Variants in CEP70 observed in about 807,000 individuals in gnomAD.
CEP70 encodes the protein centrosomal protein 70.
A neutral mutation model predicts 90.9 loss-of-function variants in CEP70; 70 were observed. The ratio of observed to expected loss-of-function variants is 0.77; its 90% CI spans 0.64 to 0.94. The LOEUF (loss-of-function observed/expected upper bound fraction) is 0.94. Among genes scored for constraint, CEP70 ranks in the 40% least tolerant of loss-of-function variants. The pLI, the probability that CEP70 is intolerant of heterozygous loss-of-function variation, is 0.00. For synonymous variants in CEP70, 220 were observed against 228.3 expected (o/e 0.96, Z 0.33); for missense variants, 648 against 669.0 (o/e 0.97, Z 0.35).
intron 2 of CEP70, among the ~76,000 whole-genome samples, chr3:138,578,263 G>C (rs2041661657): frequency 6.6e-6 from 1 of 152,160 alleles, no homozygotes; most frequent in Non-Finnish European, 1.5e-5. Context: ...AAATATAAGT[G>C]GGGGAGGGCA....
intron 6 of CEP70, among the ~76,000 whole-genome samples, chr3:138,561,230 T>A (rs1371985740): frequency 1.3e-5 from 2 of 152,108 alleles, no homozygotes; most frequent in African/African-American, 4.8e-5. Flanking sequence ...CAACCTCTGC[T>A]GGTGATACCC....
intron 16 of CEP70, among the ~76,000 whole-genome samples, chr3:138,499,616 A>G (rs1179992337): frequency 6.6e-6 from 1 of 152,108 alleles, no homozygotes; most frequent in African/African-American, 2.4e-5. Flanking sequence ...GTTTGAGATT[A>G]TCTTAGATTG....
intron 2 of CEP70, among the ~76,000 whole-genome samples, chr3:138,573,487 A>C (rs1286116001): frequency 6.6e-6 from 1 of 152,258 alleles, no homozygotes; most frequent in East Asian, 1.9e-4. Context: ...AAAGCCAGTG[A>C]AAACATTCAT....
At chr3:138,498,941 GAGGCTGAGGC>G (rs1186576170) in intron 16 of CEP70, among the ~76,000 whole-genome samples, 2 of 151,824 alleles carry the variant, frequency 1.3e-5, no homozygotes, top group African/African-American at 4.8e-5. Context: ...AGCCACTCAG[GAGGCTGAGGC>G]ATGAGAATTG....
chr3:138,541,451 C>G (rs1193473213), intron 6 of CEP70, among the ~76,000 whole-genome samples: 1 of 150,884 alleles, frequency 6.6e-6, no homozygotes, highest in Non-Finnish European at 1.5e-5. Context: ...ACCTGTCAAC[C>G]AAGAATATTA....
intron 7 of CEP70, among the ~76,000 whole-genome samples, chr3:138,536,261 ATAGGGG>A (rs1406195051): frequency 6.6e-6 from 1 of 152,114 alleles, no homozygotes; most frequent in Non-Finnish European, 1.5e-5. Context: ...TCAATTACCT[ATAGGGG>A]AGGTAAGGAT....
chr3:138,554,433 T>G (rs1272257309), intron 6 of CEP70, among the ~76,000 whole-genome samples: 1 of 152,064 alleles, frequency 6.6e-6, no homozygotes, highest in Non-Finnish European at 1.5e-5. Flanking sequence ...CTCTCACCAC[T>G]TCTATTCAAC....
chr3:138,497,928 C>T, intron 17 of CEP70, 103 bp downstream of exon 17: 1 of 1,532,212 alleles, frequency 6.5e-7, no homozygotes, highest in Middle Eastern at 1.8e-4. Flanking sequence ...TGGTTTCCAA[C>T]CACTAGGTAA....
chr3:138,508,480 A>ATT lies in CEP70; in HGVS notation c.1007_1008dup (p.Tyr337AsnfsTer8). 1 of 1,613,036 alleles carries ATT rather than the reference A, an allele frequency of 6.2e-7. No homozygotes were observed. Among genetic ancestry groups the ATT allele is most frequent in the Non-Finnish European group, 8.5e-7 (1 of 1,179,230 alleles). On this transcript the variant is annotated frameshift_variant, in exon 12 of 18. Coordinates refer to ENST00000264982, the MANE Select transcript of CEP70 (RefSeq NM_024491.4). LOFTEE classifies it high-confidence loss of function. ...TCAATTAGGGCCTGTTGCTGATTAT[A>ATT]TTTGCTGGGCTCATCTTTCTTCTCT...
At chr3:138,578,123 G>C (rs1373555936) in intron 2 of CEP70, among the ~76,000 whole-genome samples, 2 of 152,202 alleles carry the variant, frequency 1.3e-5, no homozygotes, top group Non-Finnish European at 2.9e-5. Context: ...AAATGGTGTA[G>C]TACCGTTGGC....
intron 11 of CEP70, among the ~76,000 whole-genome samples, chr3:138,520,252 CT>C (rs1045822445): frequency 2.0e-5 from 3 of 152,144 alleles, no homozygotes; most frequent in Non-Finnish European, 4.4e-5. Context: ...TAACACCCCA[CT>C]GTCAACATTA....
At chr3:138,593,309 G>A (rs1252513887) in intron 1 of CEP70, among the ~76,000 whole-genome samples, 1 of 152,106 alleles carries the variant, frequency 6.6e-6, no homozygotes, top group Non-Finnish European at 1.5e-5. Flanking sequence ...AGCAACCTCC[G>A]CCTCCCGAGT....
chr3:138,519,206 T>A (rs771285151), intron 11 of CEP70, among the ~76,000 whole-genome samples: 1 of 152,162 alleles, frequency 6.6e-6, no homozygotes, highest in Admixed American at 6.5e-5. Flanking sequence ...CTACGTCTGA[T>A]TGATGTACCT....
chr3:138,591,175 T>C (rs1576976614), intron 2 of CEP70, among the ~76,000 whole-genome samples: 1 of 152,266 alleles, frequency 6.6e-6, no homozygotes, highest in East Asian at 1.9e-4. Flanking sequence ...ACACCACAAG[T>C]AGAAAATTCC....
intron 2 of CEP70, among the ~76,000 whole-genome samples, chr3:138,577,252 A>G (rs1452643124): frequency 6.6e-6 from 1 of 152,198 alleles, no homozygotes; most frequent in Non-Finnish European, 1.5e-5. Context: ...GTAAACGACG[A>G]GTTAATGGGT....
At chr3:138,571,188 TA>T in intron 4 of CEP70, 31 bp from the exon 5 acceptor site, 1 of 1,551,144 alleles carries the variant, frequency 6.4e-7, no homozygotes, top group South Asian at 1.2e-5. Context: ...ATACAGATAG[TA>T]AAAATAAAAG....
At chr3:138,581,541 T>C (rs1382881949) in intron 2 of CEP70, among the ~76,000 whole-genome samples, 1 of 151,154 alleles carries the variant, frequency 6.6e-6, no homozygotes, top group African/African-American at 2.4e-5. Context: ...CTGTCTCTAC[T>C]AAAAATACAA....
At chr3:138,529,837 A>AT (rs1287973941) in intron 8 of CEP70, among the ~76,000 whole-genome samples, 6 of 152,134 alleles carry the variant, frequency 3.9e-5, no homozygotes, top group African/African-American at 1.4e-4. Flanking sequence ...TCCACATACT[A>AT]TTTTTTCCTT....
At chr3:138,576,527 A>G (rs1208735491) in intron 2 of CEP70, among the ~76,000 whole-genome samples, 1 of 152,196 alleles carries the variant, frequency 6.6e-6, no homozygotes, top group Non-Finnish European at 1.5e-5. Flanking sequence ...CCTACTGTCA[A>G]TATGAGACAG....
Sources: gnomAD v4.1 joint callset for allele counts (sites outside exome capture counted in the v4.1 genomes callset) on GRCh38, gnomAD v4.1.1 for gene constraint, MANE v1.5 for transcripts, NCBI Gene and HGNC (gene_info 2026-07-23, HGNC 2026-07-21) for gene names.